DCC: variants seen among roughly 807,000 people sequenced by gnomAD.
DCC encodes netrin receptor DCC.
DCC carries 58 observed loss-of-function variants against 172.5 expected under a neutral mutation model. The ratio of observed to expected loss-of-function variants is 0.34; its 90% CI spans 0.27 to 0.42. The LOEUF is 0.42. DCC is among the 10% of genes least tolerant of loss of function. The pLI is 1.00. For missense variants in DCC, 1,740 were observed against 1,791.0 expected, an observed-to-expected ratio of 0.97 and a Z score of 0.51; for synonymous variants, 709 against 644.5, an observed-to-expected ratio of 1.10 and a Z score of -1.52.
intron 1 of DCC, among the ~76,000 whole-genome samples, chr18:52,390,086 C>A (rs1006121238): frequency 1.3e-5 from 2 of 151,790 alleles, no homozygotes; most frequent in Non-Finnish European, 2.9e-5. Context: ...GGTTTCTATG[C>A]TTTCCCCGCC....
intron 7 of DCC, among the ~76,000 whole-genome samples, chr18:53,151,996 G>GA (rs956847177): frequency 5.8e-4 from 87 of 150,662 alleles, no homozygotes; most frequent in African/African-American, 2.0e-3. Context: ...GGAACAACAA[G>GA]AAAAAAAAAT....
In DCC at chr18:53,393,922, C is replaced by CTCTCTCTCTCTCTCT. The variant is rs72364865; in HGVS notation, c.2688+2035_2688+2036insTCTCTCTCTCTCTCT. Among the ~76,000 whole-genome samples, 739 of 130,918 alleles carry CTCTCTCTCTCTCTCT rather than the reference C, an allele frequency of 5.6e-3. 6 individuals are homozygous for CTCTCTCTCTCTCTCT. Among genetic ancestry groups the CTCTCTCTCTCTCTCT allele is most frequent in the South Asian group, 4.9e-3 (19 of 3,896 alleles). 85.9% of individuals were successfully genotyped at this position (130,918 alleles called of 152,430 possible). On this transcript the variant is annotated intron_variant, in intron 17 of 28. Coordinates refer to ENST00000442544, the MANE Select transcript of DCC (RefSeq NM_005215.4). The stretch of plus-strand genomic sequence containing the variant: ...TTCCCTCTCTCTCTCTCCCTCTCTC[C>CTCTCTCTCTCTCTCT]CTCCCTCCCTCCCCCTATATATCCA...
intron 20 of DCC, among the ~76,000 whole-genome samples, chr18:53,412,746 G>A (rs1910058570): frequency 6.6e-6 from 1 of 152,108 alleles, no homozygotes; most frequent in Admixed American, 6.6e-5. Flanking sequence ...AAGGATCGCA[G>A]CATTTTATTC....
At chr18:53,421,110 T>C (rs1910624810) in intron 21 of DCC, among the ~76,000 whole-genome samples, 1 of 152,222 alleles carries the variant, frequency 6.6e-6, no homozygotes, top group African/African-American at 2.4e-5. Flanking sequence ...CTCTGAAACA[T>C]GACTGCTTCT....
At position 53,428,209 on chromosome 18, in the gene DCC, T is replaced by G. The variant is rs1302112462; in HGVS notation, c.3164-6935T>G. ...AATATAGAATATATAATATTATATATAAGTATATATAATTATAATTATATA... is the reference window on the plus strand; with the variant it reads ...AATATAGAATATATAATATTATATAGAAGTATATATAATTATAATTATATA... On this transcript the variant is annotated intron_variant, in intron 21 of 28. Coordinates refer to ENST00000442544, the MANE Select transcript of DCC (RefSeq NM_005215.4). 2.7e-4 allele frequency among the ~76,000 whole-genome samples: 9 copies of G among 32,844 alleles called. 1 individual carries two copies. The highest frequency in any genetic ancestry group is 6.5e-4 in the African/African-American group (9 of 13,922). 21.5% of individuals were successfully genotyped at this position (32,844 alleles called of 152,430 possible). A position where few individuals can be genotyped will look rare whatever the true frequency, so the allele number is the denominator to read the frequency against.
chr18:52,917,209 A>G (rs1297504268), intron 3 of DCC, among the ~76,000 whole-genome samples: 1 of 151,746 alleles, frequency 6.6e-6, no homozygotes, highest in Non-Finnish European at 1.5e-5. Flanking sequence ...AGTCCCAGCT[A>G]TTTGGGAGGC....
chr18:52,988,466 T>A (rs1471508882), intron 5 of DCC, among the ~76,000 whole-genome samples: 4 of 152,090 alleles, frequency 2.6e-5, no homozygotes, highest in African/African-American at 9.7e-5. Flanking sequence ...TAAGAGAAAT[T>A]CTTAACATAT....
intron 12 of DCC, among the ~76,000 whole-genome samples, chr18:53,258,207 T>C (rs563046407): frequency 3.3e-5 from 5 of 152,220 alleles, no homozygotes; most frequent in East Asian, 1.9e-4. Context: ...GTGTCTCTAT[T>C]TCCTTCAGTT....
chr18:52,600,625 G>T (rs1008415213), intron 1 of DCC, among the ~76,000 whole-genome samples: 1 of 152,028 alleles, frequency 6.6e-6, no homozygotes. Context: ...TCTTTTTATA[G>T]ATAATCTTTG....
intron 1 of DCC, among the ~76,000 whole-genome samples, chr18:52,717,687 T>A (rs932684513): frequency 3.3e-5 from 5 of 152,144 alleles, no homozygotes; most frequent in Non-Finnish European, 7.3e-5. Context: ...TAACCCAGAA[T>A]ACCACCCATC....
At chr18:52,478,343 A>G (rs145135155) in intron 1 of DCC, among the ~76,000 whole-genome samples, 17 of 152,254 alleles carry the variant, frequency 1.1e-4, no homozygotes, top group African/African-American at 3.9e-4. Context: ...TGCTAGGTTA[A>G]TCTGATAAAT....
In DCC at chr18:53,108,076, C is replaced by T. The variant is rs548440463; in HGVS notation, c.1261+41910C>T. Among the ~76,000 whole-genome samples the T allele has an allele frequency of 2.2e-3, 328 of 151,692 alleles. 2 individuals are homozygous for T. Among genetic ancestry groups the T allele is most frequent in the Non-Finnish European group, 2.2e-3 (151 of 67,812 alleles). On this transcript the variant is annotated intron_variant, in intron 7 of 28. Coordinates refer to ENST00000442544, the MANE Select transcript of DCC (RefSeq NM_005215.4). ...GTATTTTTCAGAAATTTAGAAACTGCCAGTTTATATCAGTGGCTTTTTGTG... is the reference window on the plus strand; with the variant it reads ...GTATTTTTCAGAAATTTAGAAACTGTCAGTTTATATCAGTGGCTTTTTGTG...
chr18:52,477,877 A>G (rs894017284), intron 1 of DCC, among the ~76,000 whole-genome samples: 2 of 152,022 alleles, frequency 1.3e-5, no homozygotes, highest in South Asian at 2.1e-4. Flanking sequence ...TGGCACAAAC[A>G]TGTGTCACTG....
Position 53,330,270 on chromosome 18 carries a change from G to A in DCC, c.2164+8113G>A, listed in dbSNP as rs191829495. Among the ~76,000 whole-genome samples the A allele has an allele frequency of 2.6e-5, 4 of 152,176 alleles. No individual in the cohort carries two copies. In the East Asian group the frequency reaches 7.7e-4, roughly 29 times the overall value. On this transcript the variant is annotated intron_variant, in intron 14 of 28. Transcript: ENST00000442544. ...AGTATCATTTCCCTTAAGATTGATTGTATTCTTCACTTTGTGACTAGTACC... is the reference window on the plus strand; with the variant it reads ...AGTATCATTTCCCTTAAGATTGATTATATTCTTCACTTTGTGACTAGTACC...
At chr18:52,993,174 C>G (rs1402397409) in intron 5 of DCC, among the ~76,000 whole-genome samples, 1 of 151,966 alleles carries the variant, frequency 6.6e-6, no homozygotes, top group Non-Finnish European at 1.5e-5. Context: ...TTTGTAACAT[C>G]TATTGAGACC....
chr18:52,729,252 CT>C (rs2036598750), intron 1 of DCC, among the ~76,000 whole-genome samples: 1 of 151,998 alleles, frequency 6.6e-6, no homozygotes. Flanking sequence ...TTTGTCTTCT[CT>C]TTCCTTTTAT....
intron 1 of DCC, among the ~76,000 whole-genome samples, chr18:52,715,100 C>T (rs1306187248): frequency 1.3e-5 from 2 of 151,910 alleles, no homozygotes; most frequent in Admixed American, 1.3e-4. Context: ...ACAGAAAGTC[C>T]CTCAATCTCC....
chr18:52,539,151 T>C (rs2032368379), intron 1 of DCC, among the ~76,000 whole-genome samples: 1 of 152,204 alleles, frequency 6.6e-6, no homozygotes, highest in Non-Finnish European at 1.5e-5. Flanking sequence ...GAGTTTCTTC[T>C]TCAATTCAAG....
intron 2 of DCC, among the ~76,000 whole-genome samples, chr18:52,769,810 C>T (rs903888096): frequency 4.6e-5 from 7 of 152,096 alleles, no homozygotes; most frequent in South Asian, 2.1e-4. Context: ...ATGATGATGT[C>T]CAGTTGTTTC....
Sources: allele counts gnomAD v4.1 joint callset (sites outside exome capture counted in the v4.1 genomes callset), GRCh38; gene constraint gnomAD v4.1.1; transcripts MANE v1.5; gene names NCBI Gene and HGNC (gene_info 2026-07-23, HGNC 2026-07-21).